The following DLG2 variants were observed in gnomAD, a reference collection of about 807,000 sequenced individuals.
The protein encoded by DLG2 is discs large MAGUK scaffold protein 2.
Under a neutral mutation model 132.5 loss-of-function variants are expected in DLG2, and 45 were observed. The ratio of observed to expected loss-of-function variants is 0.34; its 90% CI spans 0.27 to 0.44. The LOEUF is 0.44. Ranked by LOEUF, DLG2 falls within the 20% of genes least tolerant of loss-of-function variation. The probability of loss-of-function intolerance (pLI) is 1.00; values close to 1 mark genes in which losing one functional copy is unlikely to be tolerated. For missense variants in DLG2, 1,045 were observed against 1,196.9 expected, an observed-to-expected ratio of 0.87 and a Z score of 1.87; for synonymous variants, 424 against 419.6, an observed-to-expected ratio of 1.01 and a Z score of -0.13.
intron 10 of DLG2, among the ~76,000 whole-genome samples, chr11:84,075,215 T>C (rs1027970242): frequency 3.3e-5 from 5 of 152,222 alleles, no homozygotes; most frequent in African/African-American, 1.2e-4. Flanking sequence ...TTCATCACTA[T>C]ATCACTCTGC....
At chr11:84,373,270 C>CAAAAAAAAAAAAAA (rs1299753951) in intron 7 of DLG2, among the ~76,000 whole-genome samples, 3 of 45,168 alleles carry the variant, frequency 6.6e-5, no homozygotes, top group African/African-American at 2.7e-4. Flanking sequence ...AAAAACAAAA[C>CAAAAAAAAAAAAAA]AAAAAAAAAA....
chr11:83,663,751 TAAGAATACC>T (rs1360484970), intron 18 of DLG2, among the ~76,000 whole-genome samples: 1 of 152,158 alleles, frequency 6.6e-6, no homozygotes, highest in Non-Finnish European at 1.5e-5. Context: ...TTCAGCAAAG[TAAGAATACC>T]TCAGAGGTTC....
At chr11:84,069,214 A>G (rs1425368305) in intron 10 of DLG2, among the ~76,000 whole-genome samples, 1 of 152,160 alleles carries the variant, frequency 6.6e-6, no homozygotes, top group African/African-American at 2.4e-5. Context: ...TACTCCAAAA[A>G]CCACTGCTCT....
intron 3 of DLG2, among the ~76,000 whole-genome samples, chr11:85,485,873 G>A (rs536400574): frequency 4.6e-4 from 70 of 152,242 alleles, no homozygotes; most frequent in African/African-American, 1.7e-3. Flanking sequence ...CTTAGAATCT[G>A]CATCCTGTCC....
intron 4 of DLG2, among the ~76,000 whole-genome samples, chr11:85,198,532 T>C (rs959275624): frequency 2.0e-5 from 3 of 152,186 alleles, no homozygotes; most frequent in African/African-American, 4.8e-5. Context: ...TATAGAATTA[T>C]AGAATTTTGA....
At chr11:83,987,151 A>G (rs1415084283) in intron 11 of DLG2, among the ~76,000 whole-genome samples, 2 of 152,106 alleles carry the variant, frequency 1.3e-5, no homozygotes, top group Non-Finnish European at 2.9e-5. Flanking sequence ...GACACGAAGG[A>G]CCTCTTCAAG....
intron 6 of DLG2, among the ~76,000 whole-genome samples, chr11:84,577,851 C>T (rs941931229): frequency 3.9e-5 from 6 of 152,194 alleles, no homozygotes; most frequent in Non-Finnish European, 8.8e-5. Context: ...ACCTTCATGG[C>T]ACCCCCTCCC....
At chr11:84,672,585 T>C (rs1202662689) in intron 6 of DLG2, among the ~76,000 whole-genome samples, 1 of 152,140 alleles carries the variant, frequency 6.6e-6, no homozygotes, top group East Asian at 1.9e-4. Flanking sequence ...ATTATAAACA[T>C]GAAGAAGTCA....
intron 8 of DLG2, among the ~76,000 whole-genome samples, chr11:84,181,891 C>T (rs1376541894): frequency 6.6e-6 from 1 of 152,052 alleles, no homozygotes; most frequent in African/African-American, 2.4e-5. Flanking sequence ...GGTAAAAACC[C>T]ATAGAATAGC....
chr11:85,131,807 TA>T, intron 5 of DLG2, among the ~76,000 whole-genome samples: 1 of 152,220 alleles, frequency 6.6e-6, no homozygotes, highest in South Asian at 2.1e-4. Flanking sequence ...TCTTCAGTGG[TA>T]AAAGGAGATC....
At chr11:84,876,662 T>C (rs1422084089) in intron 6 of DLG2, among the ~76,000 whole-genome samples, 2 of 152,164 alleles carry the variant, frequency 1.3e-5, no homozygotes, top group Admixed American at 6.6e-5. Context: ...TTTTGAAGGG[T>C]TTTCCCTGTC....
rs182967551 is a variant in DLG2, at chr11:83,753,844, C to G, written c.1825+32846G>C. ...TATTTCATATATATATGATATATAT[C>G]ATATATATCATATATATATTTCATA... On this transcript the variant is annotated intron_variant, in intron 18 of 27. Transcript: ENST00000376104. 6.5e-3 allele frequency among the ~76,000 whole-genome samples: 57 copies of G among 8,736 alleles called. 1 individual carries two copies. Among genetic ancestry groups the G allele is most frequent in the African/African-American group, 0.011 (20 of 1,762 alleles). 5.7% of individuals were successfully genotyped at this position (8,736 alleles called of 152,430 possible). A position where few individuals can be genotyped will look rare whatever the true frequency, so the allele number is the denominator to read the frequency against.
intron 6 of DLG2, among the ~76,000 whole-genome samples, chr11:84,749,709 T>C (rs1232262775): frequency 2.6e-5 from 4 of 152,150 alleles, no homozygotes; most frequent in Admixed American, 6.6e-5. Flanking sequence ...TGGCTGTTTT[T>C]GTACAATTTC....
At chr11:84,179,697 G>A (rs574217275) in intron 8 of DLG2, among the ~76,000 whole-genome samples, 1 of 152,206 alleles carries the variant, frequency 6.6e-6, no homozygotes, top group African/African-American at 2.4e-5. Context: ...TTCTTAATAA[G>A]GGCTTCTCTC....
intron 5 of DLG2, among the ~76,000 whole-genome samples, chr11:85,134,386 G>A (rs1407387941): frequency 1.3e-5 from 2 of 149,712 alleles, no homozygotes; most frequent in Admixed American, 6.6e-5. Flanking sequence ...AAAATTAGCC[G>A]GGCGTAGTGG....
At chr11:84,563,801 T>C (rs2099437850) in intron 6 of DLG2, among the ~76,000 whole-genome samples, 1 of 152,216 alleles carries the variant, frequency 6.6e-6, no homozygotes, top group African/African-American at 2.4e-5. Flanking sequence ...AGCAGCTATG[T>C]GACATCTTAT....
At position 85,526,834 on chromosome 11, in the gene DLG2, C is replaced by CA. The variant is rs1319140897; in HGVS notation, c.40+71822dup. On this transcript the variant is annotated intron_variant, in intron 3 of 27. Coordinates refer to ENST00000376104, the MANE Select transcript of DLG2 (RefSeq NM_001142699.3). ...ACTTGTTTTTTTCTGTAATTGGGAG[C>CA]AAAAAAGGGGCCCAACATAAATACT... Among the ~76,000 whole-genome samples, 3 of 151,690 alleles carry CA rather than the reference C, an allele frequency of 2.0e-5. 1 individual carries two copies. Among genetic ancestry groups the CA allele is most frequent in the Admixed American group, 1.3e-4 (2 of 15,260 alleles).
intron 8 of DLG2, among the ~76,000 whole-genome samples, chr11:84,191,088 C>T (rs892442736): frequency 2.6e-5 from 4 of 152,184 alleles, no homozygotes; most frequent in African/African-American, 9.7e-5. Context: ...GTGTAGGAAT[C>T]TGAAGACCTG....
At chr11:85,332,341 G>C (rs771401865) in intron 3 of DLG2, among the ~76,000 whole-genome samples, 1 of 152,120 alleles carries the variant, frequency 6.6e-6, no homozygotes, top group Non-Finnish European at 1.5e-5. Flanking sequence ...ATTTGTTCAA[G>C]TTGTTTATAG....
Sources: gnomAD v4.1 joint callset for allele counts (sites outside exome capture counted in the v4.1 genomes callset) on GRCh38, gnomAD v4.1.1 for gene constraint, MANE v1.5 for transcripts, NCBI Gene and HGNC (gene_info 2026-07-23, HGNC 2026-07-21) for gene names.